UGGT2: variants seen among roughly 807,000 people sequenced by gnomAD.
UGGT2 encodes the protein UDP-glucose:glycoprotein glucosyltransferase 2.
In UGGT2, 180 loss-of-function variants were observed where a neutral mutation model predicts 192.1. The observed-to-expected ratio is 0.94, with a 90% confidence interval of 0.83 to 1.06. UGGT2 has a LOEUF of 1.06. Ranked by LOEUF, UGGT2 falls within the 50% of genes least tolerant of loss-of-function variation. UGGT2 has a pLI of 0.00. For synonymous variants in UGGT2, 580 were observed against 591.0 expected (o/e 0.98, Z 0.27); for missense variants, 1,849 against 1,795.7 (o/e 1.03, Z -0.54).
chr13:95,842,444 T>G (rs966644391), intron 36 of UGGT2, among the ~76,000 whole-genome samples: 1 of 152,218 alleles, frequency 6.6e-6, no homozygotes, highest in Non-Finnish European at 1.5e-5. Context: ...TTACATTCTA[T>G]GAATATACCA....
intron 17 of UGGT2, among the ~76,000 whole-genome samples, chr13:95,936,003 T>C (rs948980070): frequency 6.6e-6 from 1 of 152,030 alleles, no homozygotes; most frequent in Non-Finnish European, 1.5e-5. Context: ...AGTTTTAAGT[T>C]TTTTTGTAGA....
rs775058130 is a variant in UGGT2 at position 95,890,933 on chromosome 13, TATC to T, written c.2884_2886del (p.Asp962del). ...ACAATAGCAATGACATTGAAGAACA[TATC>T]ATTCTCTTGAGGATTCGTCTTTATA... On this transcript the variant is annotated inframe_deletion, in exon 25 of 39. Coordinates refer to ENST00000376747, the MANE Select transcript of UGGT2 (RefSeq NM_020121.4). The T allele has an allele frequency of 6.8e-6, 11 of 1,612,440 alleles. No individual in the cohort carries two copies. The highest frequency in any genetic ancestry group is 2.7e-5 in the African/African-American group (2 of 74,860).
chr13:96,023,767 AAG>A lies in UGGT2; in HGVS notation c.242-10_242-9del. ...AATAAGAATAATCTGATTCTATAAA[AAG>A]AAGTCAAAAGAAAATAAATGTTAGC... On this transcript the variant is annotated splice_polypyrimidine_tract_variant and intron_variant, in intron 2 of 38. Coordinates refer to ENST00000376747, the MANE Select transcript of UGGT2 (RefSeq NM_020121.4). 2 of 1,575,390 alleles carry A rather than the reference AAG, an allele frequency of 1.3e-6. No individual in the cohort carries two copies. The highest frequency in any genetic ancestry group is 8.7e-7 in the Non-Finnish European group (1 of 1,154,780).
At chr13:95,823,529 T>G (rs190073194) in intron 38 of UGGT2, among the ~76,000 whole-genome samples, 122 of 152,238 alleles carry the variant, frequency 8.0e-4, no homozygotes, top group African/African-American at 2.7e-3. Context: ...CTTGTCTTTT[T>G]TCACTGCTGA....
At chr13:95,830,495 C>A (rs4409947) in intron 38 of UGGT2, among the ~76,000 whole-genome samples, 119,870 of 152,120 alleles carry the variant, frequency 0.79, 48,008 homozygotes, top group East Asian at 0.94. Flanking sequence ...TCACAAAAAA[C>A]GATATTTATG....
intron 6 of UGGT2, 138 bp from the exon 7 acceptor site, chr13:95,996,273 G>A (rs183582742): frequency 1.0e-4 from 68 of 677,280 alleles, no homozygotes; most frequent in Middle Eastern, 4.2e-4. Flanking sequence ...AGGCCGAGGT[G>A]GGTAAATCAC....
chr13:95,811,720 A>T (rs1374234468), intron 38 of UGGT2, among the ~76,000 whole-genome samples: 1 of 151,850 alleles, frequency 6.6e-6, no homozygotes, highest in Non-Finnish European at 1.5e-5. Flanking sequence ...TAACAATAGC[A>T]TAAGAGAAAA....
chr13:96,006,772 C>T (rs1331920772), intron 5 of UGGT2, among the ~76,000 whole-genome samples: 1 of 151,814 alleles, frequency 6.6e-6, no homozygotes, highest in Non-Finnish European at 1.5e-5. Flanking sequence ...GAGCAGAACA[C>T]TCAGGAGCTG....
rs753447268 is a variant in UGGT2 at position 95,972,577 on chromosome 13, T to C, written c.1184+3A>G. The C allele has an allele frequency of 9.4e-6, 15 of 1,604,254 alleles. No individual in the cohort carries two copies. The South Asian group carries it at 1.6e-4, about 17-fold the overall frequency. On this transcript the variant is annotated splice_donor_region_variant and intron_variant, in intron 11 of 38. Transcript: ENST00000376747. ...TCATTTACAGCAATAATTTAATACT[T>C]ACCTAAAAGCGTCATAAACATCCAT...
In UGGT2 at chr13:96,006,258, G is replaced by A. The variant is rs77108077; in HGVS notation, c.661-6951C>T. Among the ~76,000 whole-genome samples the A allele has an allele frequency of 3.6e-3, 541 of 152,278 alleles. 1 individual carries two copies. Among genetic ancestry groups the A allele is most frequent in the Non-Finnish European group, 5.1e-3 (348 of 68,010 alleles). ...AAGAAGGAGCCAAATGGCAATGATA[G>A]AAATTAAAAGCACTGTAACAGAAAT... On this transcript the variant is annotated intron_variant, in intron 5 of 38. Coordinates refer to ENST00000376747, the MANE Select transcript of UGGT2 (RefSeq NM_020121.4).
At chr13:96,039,306 G>T (rs150152581) in intron 1 of UGGT2, among the ~76,000 whole-genome samples, 3 of 152,110 alleles carry the variant, frequency 2.0e-5, no homozygotes, top group Admixed American at 2.0e-4. Context: ...TGTCTCTTTC[G>T]GTCCAAGCTG....
rs1200839343 is a variant in UGGT2, at chr13:95,856,419, AG to A, written c.3826-80del. 5 of 1,472,984 alleles carry A rather than the reference AG, an allele frequency of 3.4e-6. No homozygotes were observed. The African/African-American group carries it at 4.3e-5, about 13-fold the overall frequency. The allele number at this position is 1,472,984 out of a possible 1,614,324, so 91.2% of individuals were successfully genotyped here. ...TTTAGAGAAAAAAATAACATTAAAA[AG>A]GTAAAGCTTCCTATAAATTGTTATA... On this transcript the variant is annotated intron_variant, in intron 33 of 38. Transcript: ENST00000376747.
intron 5 of UGGT2, among the ~76,000 whole-genome samples, chr13:96,012,791 T>A (rs1270163637): frequency 6.6e-6 from 1 of 151,752 alleles, no homozygotes; most frequent in East Asian, 1.9e-4. Context: ...AAGTGTTAAA[T>A]AAACTTGAGG....
chr13:95,930,287 A>C (rs560175043), intron 17 of UGGT2, among the ~76,000 whole-genome samples: 1 of 152,170 alleles, frequency 6.6e-6, no homozygotes, highest in East Asian at 1.9e-4. Context: ...CCACTCGTCA[A>C]ATTTTTGTTT....
intron 17 of UGGT2, 26 bp downstream of exon 17, chr13:95,936,898 G>T: frequency 6.8e-7 from 1 of 1,463,070 alleles, no homozygotes; most frequent in Admixed American, 2.5e-5. Context: ...TATTCATCAT[G>T]TATTTTCTTA....
chr13:95,972,464 C>G, intron 11 of UGGT2, 116 bp downstream of exon 11: 1 of 977,714 alleles, frequency 1.0e-6, no homozygotes, highest in South Asian at 1.7e-5. Flanking sequence ...TTTGTACAAT[C>G]AAAAACATGT....
intron 1 of UGGT2, among the ~76,000 whole-genome samples, chr13:96,036,120 G>A (rs757598150): frequency 7.9e-5 from 12 of 152,148 alleles, no homozygotes; most frequent in Admixed American, 1.3e-4. Context: ...CCACTGCAGC[G>A]CTATTTACAA....
chr13:96,046,121 C>G (rs1288480625), intron 1 of UGGT2, among the ~76,000 whole-genome samples: 1 of 152,060 alleles, frequency 6.6e-6, no homozygotes, highest in African/African-American at 2.4e-5. Flanking sequence ...CAGCATGGTA[C>G]TGGTGTAAAA....
Position 96,013,306 on chromosome 13 carries a change from C to A in UGGT2, c.660+1G>T, listed in dbSNP as rs765339035. 2 of 1,576,122 alleles carry A rather than the reference C, an allele frequency of 1.3e-6. No individual in the cohort carries two copies. The highest frequency in any genetic ancestry group is 1.7e-6 in the Non-Finnish European group (2 of 1,168,934). On this transcript the variant is annotated splice_donor_variant, in intron 5 of 38. Coordinates refer to ENST00000376747, the MANE Select transcript of UGGT2 (RefSeq NM_020121.4). LOFTEE classifies it high-confidence loss of function. ...CAACCTTGGAAAAAACAAGCGCATA[C>A]CTGAATATAATGGCGAAGAACATAC...
Sources: allele counts gnomAD v4.1 joint callset (sites outside exome capture counted in the v4.1 genomes callset), GRCh38; gene constraint gnomAD v4.1.1; transcripts MANE v1.5; gene names NCBI Gene and HGNC (gene_info 2026-07-23, HGNC 2026-07-21).